THSD7A: variants seen among roughly 807,000 people sequenced by gnomAD.
The protein encoded by THSD7A is thrombospondin type 1 domain containing 7A, also known as thrombospondin type-1 domain-containing protein 7A.
In THSD7A, 96 loss-of-function variants were observed where a neutral mutation model predicts 231.3. That is an observed-to-expected ratio of 0.41 (90% CI 0.35 to 0.49). The LOEUF is 0.49. Among genes scored for constraint, THSD7A ranks in the 20% least tolerant of loss-of-function variants. The pLI is 0.05. For synonymous variants in THSD7A, 940 were observed against 743.3 expected, an observed-to-expected ratio of 1.26 and a Z score of -4.30; for missense variants, 2,290 against 2,070.2, an observed-to-expected ratio of 1.11 and a Z score of -2.06.
intron 6 of THSD7A, among the ~76,000 whole-genome samples, chr7:11,484,667 T>C (rs1786573157): frequency 1.3e-5 from 2 of 152,076 alleles, no homozygotes; most frequent in South Asian, 4.1e-4. Flanking sequence ...AATCATTTTT[T>C]GTTAAATAAA....
chr7:11,423,270 T>C (rs1784210275), intron 16 of THSD7A, among the ~76,000 whole-genome samples: 1 of 152,154 alleles, frequency 6.6e-6, no homozygotes. Flanking sequence ...CTTGTTCTGC[T>C]TTCCTACTGA....
intron 1 of THSD7A, among the ~76,000 whole-genome samples, chr7:11,682,418 G>A (rs542297519): frequency 3.9e-5 from 6 of 152,012 alleles, no homozygotes; most frequent in South Asian, 2.1e-4. Flanking sequence ...GATCTACCAC[G>A]GAAACTGAAA....
intron 2 of THSD7A, among the ~76,000 whole-genome samples, chr7:11,600,094 G>A (rs1053521263): frequency 6.6e-6 from 1 of 151,942 alleles, no homozygotes; most frequent in Non-Finnish European, 1.5e-5. Context: ...TCTTGTGATT[G>A]TGTGAGTTAA....
Position 11,442,612 on chromosome 7 carries a change from T to C in THSD7A, c.3064+3449A>G, listed in dbSNP as rs184351013. Among the ~76,000 whole-genome samples the C allele has an allele frequency of 6.6e-5, 10 of 152,158 alleles. No homozygotes were observed. In the East Asian group the frequency reaches 1.7e-3, roughly 27 times the overall value. ...GATTATAATTAGGGGATGACTGGGA[T>C]AGAGTGGCAAAGTCATAACATTCCA... On this transcript the variant is annotated intron_variant, in intron 13 of 27. Coordinates refer to ENST00000423059, the MANE Select transcript of THSD7A (RefSeq NM_015204.3).
At chr7:11,489,841 C>T (rs62438209) in intron 6 of THSD7A, among the ~76,000 whole-genome samples, 11,285 of 152,046 alleles carry the variant, frequency 0.074, 538 homozygotes, top group Non-Finnish European at 0.1. Context: ...CTTTAACAAA[C>T]CCTTGATATT....
chr7:11,487,348 G>A (rs1281254580), intron 6 of THSD7A, among the ~76,000 whole-genome samples: 1 of 152,058 alleles, frequency 6.6e-6, no homozygotes, highest in Non-Finnish European at 1.5e-5. Flanking sequence ...CTTGGTAAAA[G>A]TATATACTGA....
intron 1 of THSD7A, among the ~76,000 whole-genome samples, chr7:11,780,165 A>C (rs959018469): frequency 6.6e-5 from 10 of 152,262 alleles, no homozygotes; most frequent in Admixed American, 5.9e-4. Flanking sequence ...TCCAGTTACC[A>C]TGTCTCTTCT....
chr7:11,667,394 C>T (rs998654258), intron 1 of THSD7A, among the ~76,000 whole-genome samples: 1 of 152,158 alleles, frequency 6.6e-6, no homozygotes, highest in Admixed American at 6.6e-5. Flanking sequence ...AGTATTGCCT[C>T]AACCTACAAC....
chr7:11,808,325 C>G (rs1784448054), intron 1 of THSD7A, among the ~76,000 whole-genome samples: 1 of 152,152 alleles, frequency 6.6e-6, no homozygotes. Context: ...ACAGAGAGGT[C>G]TGCTCTTTCT....
chr7:11,494,364 T>G (rs1213104627), intron 6 of THSD7A, among the ~76,000 whole-genome samples: 1 of 151,958 alleles, frequency 6.6e-6, no homozygotes, highest in Non-Finnish European at 1.5e-5. Context: ...TTATTATAAT[T>G]TCAAAACAAA....
intron 8 of THSD7A, 97 bp from the exon 9 acceptor site, chr7:11,470,091 A>T: frequency 1.2e-6 from 1 of 813,024 alleles, no homozygotes; most frequent in Non-Finnish European, 2.0e-6. Flanking sequence ...ATTGCAAAAC[A>T]AGTCACTCAT....
chr7:11,526,294 G>A (rs1181031455), intron 6 of THSD7A, among the ~76,000 whole-genome samples: 1 of 152,078 alleles, frequency 6.6e-6, no homozygotes, highest in Non-Finnish European at 1.5e-5. Context: ...GCATAATCAT[G>A]CTTTTAACCT....
At chr7:11,419,956 T>C (rs751033543) in intron 16 of THSD7A, among the ~76,000 whole-genome samples, 1 of 152,188 alleles carries the variant, frequency 6.6e-6, no homozygotes, top group Non-Finnish European at 1.5e-5. Context: ...GTGGAAGAAA[T>C]TTCTAAGCAG....
At chr7:11,498,479 T>C (rs1186528108) in intron 6 of THSD7A, among the ~76,000 whole-genome samples, 3 of 152,096 alleles carry the variant, frequency 2.0e-5, no homozygotes, top group African/African-American at 4.8e-5. Flanking sequence ...GAGATCTGAA[T>C]TCCCCCTGGG....
chr7:11,424,279 C>G (rs1468520662), intron 16 of THSD7A, among the ~76,000 whole-genome samples: 1 of 152,154 alleles, frequency 6.6e-6, no homozygotes, highest in Non-Finnish European at 1.5e-5. Flanking sequence ...CAGGAACCAG[C>G]TGGGGGCTTC....
rs1322766100 is a variant in THSD7A, at chr7:11,831,664, T to C, written c.190+93A>G. ...TTAGGATACCAGCATAACCAAGCCA[T>C]CCAAAAGCACCGGGGTCCCTACAGA... On this transcript the variant is annotated intron_variant, in intron 1 of 27. Coordinates refer to ENST00000423059, the MANE Select transcript of THSD7A (RefSeq NM_015204.3). This position sits in a 1 kb window ranked among gnomAD's most constrained non-coding sequence, Gnocchi z 5.0. The C allele has an allele frequency of 1.0e-6, 1 of 965,718 alleles. No individual in the cohort carries two copies. The highest frequency in any genetic ancestry group is 1.4e-6 in the Non-Finnish European group (1 of 736,702). 59.8% of individuals were successfully genotyped at this position (965,718 alleles called of 1,614,324 possible). A position where few individuals can be genotyped will look rare whatever the true frequency, so the allele number is the denominator to read the frequency against.
chr7:11,535,433 T>C (rs1430005761), intron 6 of THSD7A, among the ~76,000 whole-genome samples: 2 of 152,014 alleles, frequency 1.3e-5, no homozygotes, highest in South Asian at 2.1e-4. Context: ...GGAAAACATA[T>C]TGCTTGAAAT....
At chr7:11,737,854 A>G (rs1481444759) in intron 1 of THSD7A, among the ~76,000 whole-genome samples, 1 of 152,052 alleles carries the variant, frequency 6.6e-6, no homozygotes, top group Non-Finnish European at 1.5e-5. Context: ...TATTGTACTA[A>G]TTAGGGCAGC....
chr7:11,604,051 A>T (rs902230165), intron 2 of THSD7A, among the ~76,000 whole-genome samples: 2 of 152,122 alleles, frequency 1.3e-5, no homozygotes, highest in African/African-American at 4.8e-5. Context: ...CCAAAAAAAA[A>T]AGATTCTCAA....
Sources: gnomAD v4.1 joint callset for allele counts (sites outside exome capture counted in the v4.1 genomes callset) on GRCh38, gnomAD v4.1.1 for gene constraint, Gnocchi (gnomAD v3.1) non-coding constraint, MANE v1.5 for transcripts, NCBI Gene and HGNC (gene_info 2026-07-23, HGNC 2026-07-21) for gene names.